The following PIP4K2A variants were observed in gnomAD, a reference collection of about 807,000 sequenced individuals.
PIP4K2A encodes phosphatidylinositol-5-phosphate 4-kinase type 2 alpha.
In PIP4K2A, 14 loss-of-function variants were observed where a neutral mutation model predicts 42.9. The observed-to-expected ratio is 0.33, with a 90% CI of 0.22 to 0.51. PIP4K2A has a LOEUF of 0.51. Ranked by LOEUF, PIP4K2A falls within the 20% of genes least tolerant of loss-of-function variation. The probability of loss-of-function intolerance (pLI) is 0.97; values close to 1 mark genes in which losing one functional copy is unlikely to be tolerated. For synonymous variants in PIP4K2A, 192 were observed against 192.2 expected (o/e 1.00, Z 0.01); for missense variants, 434 against 519.8 (o/e 0.83, Z 1.61).
intron 3 of PIP4K2A, among the ~76,000 whole-genome samples, chr10:22,592,556 G>C (rs1837537610): frequency 6.6e-6 from 1 of 152,158 alleles, no homozygotes; most frequent in South Asian, 2.1e-4. Flanking sequence ...CCTGGAGGGT[G>C]GACAAGGACG....
chr10:22,564,558 T>A (rs75689693), intron 6 of PIP4K2A, among the ~76,000 whole-genome samples: 9,847 of 152,270 alleles, frequency 0.065, 433 homozygotes, highest in Admixed American at 0.1. Flanking sequence ...AAATTTAGCC[T>A]CTGAGCTTCT....
chr10:22,701,583 C>T (rs1268233201), intron 1 of PIP4K2A, among the ~76,000 whole-genome samples: 1 of 152,190 alleles, frequency 6.6e-6, no homozygotes, highest in African/African-American at 2.4e-5. Flanking sequence ...TGCAGAAGTG[C>T]CACCATGCTT....
chr10:22,588,124 C>T (rs1837439217), intron 4 of PIP4K2A, among the ~76,000 whole-genome samples: 1 of 152,140 alleles, frequency 6.6e-6, no homozygotes, highest in African/African-American at 2.4e-5. Flanking sequence ...AGTGGCATGT[C>T]CACCTTTAAT....
intron 6 of PIP4K2A, among the ~76,000 whole-genome samples, chr10:22,560,922 T>C (rs1406602046): frequency 2.6e-5 from 4 of 152,232 alleles, no homozygotes; most frequent in Admixed American, 2.0e-4. Context: ...ATGTTTTCTT[T>C]TACTTCCCCA....
chr10:22,670,861 G>GT (rs1223739188), intron 1 of PIP4K2A, among the ~76,000 whole-genome samples: 7 of 152,124 alleles, frequency 4.6e-5, no homozygotes, highest in Admixed American at 3.9e-4. Context: ...AACGGCAAAT[G>GT]TAAGTGTGAC....
chr10:22,542,101 C>A, intron 7 of PIP4K2A, 54 bp from the exon 8 acceptor site: 1 of 1,502,256 alleles, frequency 6.7e-7, no homozygotes, highest in Non-Finnish European at 9.0e-7. Context: ...TAAAAGCCAA[C>A]ATTTAAAGGA....
chr10:22,627,830 G>A (rs913458686), intron 1 of PIP4K2A, among the ~76,000 whole-genome samples: 3 of 152,066 alleles, frequency 2.0e-5, no homozygotes, highest in Admixed American at 6.6e-5. Context: ...TAGGGAGAAT[G>A]TAAGAATATA....
intron 1 of PIP4K2A, among the ~76,000 whole-genome samples, chr10:22,664,205 A>ACG (rs1839300352): frequency 2.5e-5 from 1 of 40,776 alleles, no homozygotes; most frequent in African/African-American, 2.1e-4. Context: ...ATATATATAC[A>ACG]TATATATATA....
At chr10:22,709,164 G>A (rs2130928729) in intron 1 of PIP4K2A, among the ~76,000 whole-genome samples, 1 of 152,022 alleles carries the variant, frequency 6.6e-6, no homozygotes, top group South Asian at 2.1e-4. Context: ...TGAGAAACAG[G>A]GATCTGGTTC....
intron 1 of PIP4K2A, chr10:22,694,738 GAA>G (rs1277593061): frequency 1.6e-4 from 25 of 152,226 alleles, no homozygotes; most frequent in African/African-American, 3.4e-4. Context: ...AAAGTATTTT[GAA>G]AAGAGATGTG....
intron 9 of PIP4K2A, 95 bp from the exon 10 acceptor site, chr10:22,537,376 A>ATAT: frequency 1.1e-6 from 1 of 913,742 alleles, no homozygotes; most frequent in Non-Finnish European, 1.7e-6. Flanking sequence ...TGGCAACTGA[A>ATAT]TATACAGCAA....
chr10:22,565,445 G>A (rs1836823173), intron 6 of PIP4K2A, among the ~76,000 whole-genome samples: 1 of 152,128 alleles, frequency 6.6e-6, no homozygotes, highest in Admixed American at 6.5e-5. Context: ...AACATAAATT[G>A]TAAAGATTTC....
At chr10:22,640,777 T>A (rs1410884475) in intron 1 of PIP4K2A, among the ~76,000 whole-genome samples, 1 of 152,092 alleles carries the variant, frequency 6.6e-6, no homozygotes, top group Non-Finnish European at 1.5e-5. Flanking sequence ...TATTCCCTAA[T>A]GCAAAGTGGA....
chr10:22,606,901 G>A (rs541094089), intron 3 of PIP4K2A, among the ~76,000 whole-genome samples: 5 of 152,220 alleles, frequency 3.3e-5, no homozygotes, highest in South Asian at 2.1e-4. Flanking sequence ...GAGATATCTT[G>A]GGGATGGGAC....
intron 1 of PIP4K2A, among the ~76,000 whole-genome samples, chr10:22,655,846 G>A (rs192103012): frequency 1.7e-4 from 26 of 152,210 alleles, no homozygotes; most frequent in Middle Eastern, 3.4e-3. Flanking sequence ...TGGAGTTTCC[G>A]GGTTCCTGTG....
At position 22,664,180 on chromosome 10, in the gene PIP4K2A, TAC is replaced by T. The variant is rs1554807302; in HGVS notation, c.144+50001_144+50002del. Among the ~76,000 whole-genome samples, 48 of 76,218 alleles carry T rather than the reference TAC, an allele frequency of 6.3e-4. 2 individuals are homozygous for T. Among genetic ancestry groups the T allele is most frequent in the African/African-American group, 4.5e-3 (42 of 9,326 alleles). The allele number at this position is 76,218 out of a possible 152,430, so 50.0% of individuals were successfully genotyped here. ...ATATATATATATACATATATATATA[TAC>T]ATATATATACATATATATATACATA... On this transcript the variant is annotated intron_variant, in intron 1 of 9. Transcript: ENST00000376573.
At chr10:22,550,557 T>A in intron 7 of PIP4K2A, 102 bp downstream of exon 7, 2 of 751,034 alleles carry the variant, frequency 2.7e-6, no homozygotes, top group Non-Finnish European at 4.8e-6. Flanking sequence ...TGCAGGTTTT[T>A]GCCTTGATTG....
At position 22,537,382 on chromosome 10, in the gene PIP4K2A, A is replaced by G. The variant is rs941633056; in HGVS notation, c.1141-101T>C. The G allele has an allele frequency of 6.9e-6, 6 of 874,258 alleles. No homozygotes were observed. In the South Asian group the frequency reaches 7.7e-5, roughly 11 times the overall value. 54.2% of individuals were successfully genotyped at this position (874,258 alleles called of 1,614,324 possible). On this transcript the variant is annotated intron_variant, in intron 9 of 9. Coordinates refer to ENST00000376573, the MANE Select transcript of PIP4K2A (RefSeq NM_005028.5). ...TATTTCCAATGGCAACTGAATATAC[A>G]GCAAGCAATTTTCAAATCCATGCAG...
intron 4 of PIP4K2A, among the ~76,000 whole-genome samples, chr10:22,577,799 TA>T (rs2130802150): frequency 6.6e-6 from 1 of 152,290 alleles, no homozygotes; most frequent in South Asian, 2.1e-4. Flanking sequence ...CAACAGTGCT[TA>T]AATGTGCTGA....
Sources: gnomAD v4.1 joint callset for allele counts (sites outside exome capture counted in the v4.1 genomes callset) on GRCh38, gnomAD v4.1.1 for gene constraint, MANE v1.5 for transcripts, NCBI Gene and HGNC (gene_info 2026-07-23, HGNC 2026-07-21) for gene names.